Variants in YWHAE observed in about 807,000 individuals in gnomAD.
YWHAE encodes tyrosine 3-monooxygenase/tryptophan 5-monooxygenase activation protein epsilon.
In YWHAE, 4 loss-of-function variants were observed where a neutral mutation model predicts 30.1. That is an observed-to-expected ratio of 0.13 (90% confidence interval 0.07 to 0.30). The LOEUF (loss-of-function observed/expected upper bound fraction) is 0.30, where lower values mean the gene tolerates loss of function less well. Among genes scored for constraint, YWHAE ranks in the 10% least tolerant of loss-of-function variants. The pLI is 1.00. For synonymous variants in YWHAE, 118 were observed against 111.8 expected (o/e 1.06, Z -0.35); for missense variants, 121 against 315.9 (o/e 0.38, Z 4.68).
intron 1 of YWHAE, among the ~76,000 whole-genome samples, chr17:1,384,002 A>G (rs2073259867): frequency 6.6e-6 from 1 of 151,878 alleles, no homozygotes; most frequent in Non-Finnish European, 1.5e-5. Context: ...TCAAGAGTTC[A>G]AGACCAACCT....
At chr17:1,399,829 C>G (rs571186970) in intron 1 of YWHAE, 4 of 601,804 alleles carry the variant, frequency 6.6e-6, no homozygotes, top group South Asian at 4.0e-5. Flanking sequence ...CCTCCCGGCC[C>G]GCGAGTTGTT....
intron 5 of YWHAE, among the ~76,000 whole-genome samples, chr17:1,351,021 T>G (rs2072622984): frequency 6.6e-6 from 1 of 150,480 alleles, no homozygotes; most frequent in South Asian, 2.1e-4. Context: ...ATCGCACCAT[T>G]GCATTCCAAT....
chr17:1,384,610 G>A (rs1249214128), intron 1 of YWHAE, among the ~76,000 whole-genome samples: 1 of 152,018 alleles, frequency 6.6e-6, no homozygotes, highest in Non-Finnish European at 1.5e-5. Flanking sequence ...GGATAATGGA[G>A]TGTATTTTGT....
chr17:1,374,944 G>A (rs2073101067), intron 1 of YWHAE, among the ~76,000 whole-genome samples: 1 of 152,046 alleles, frequency 6.6e-6, no homozygotes, highest in South Asian at 2.1e-4. Flanking sequence ...TCACTACGTT[G>A]CCCTGACTGT....
At chr17:1,355,120 A>ACC (rs2072714922) in intron 4 of YWHAE, among the ~76,000 whole-genome samples, 2 of 22,158 alleles carry the variant, frequency 9.0e-5, no homozygotes, top group Admixed American at 2.0e-3. Flanking sequence ...ATTTTTTAAA[A>ACC]AAAAAAAAAA....
chr17:1,364,746 C>T (rs2072918083), intron 2 of YWHAE, 113 bp downstream of exon 2: 1 of 1,242,134 alleles, frequency 8.1e-7, no homozygotes. Context: ...TTATAACATA[C>T]TGTAATACAA....
At chr17:1,351,288 G>GA (rs2150838666) in intron 5 of YWHAE, among the ~76,000 whole-genome samples, 2 of 151,682 alleles carry the variant, frequency 1.3e-5, no homozygotes, top group African/African-American at 4.8e-5. Context: ...AGAGGCAGGA[G>GA]AATCACTTGA....
intron 1 of YWHAE, among the ~76,000 whole-genome samples, chr17:1,383,117 G>A (rs949734475): frequency 1.6e-4 from 25 of 151,714 alleles, no homozygotes; most frequent in Non-Finnish European, 2.9e-4. Flanking sequence ...TTGGGAGGCC[G>A]AGGCACATGG....
chr17:1,368,437 A>C (rs755916014), intron 1 of YWHAE, among the ~76,000 whole-genome samples: 19 of 151,778 alleles, frequency 1.3e-4, no homozygotes, highest in Non-Finnish European at 2.4e-4. Flanking sequence ...GGTGGCAGGC[A>C]TCTATAGTGC....
intron 2 of YWHAE, among the ~76,000 whole-genome samples, chr17:1,364,006 T>C (rs1049366062): frequency 7.9e-5 from 12 of 152,172 alleles, no homozygotes; most frequent in Admixed American, 6.5e-4. Context: ...CAAAAGTATT[T>C]CTAGACATTG....
intron 3 of YWHAE, chr17:1,361,628 A>G: frequency 2.4e-6 from 1 of 423,884 alleles, no homozygotes; most frequent in Non-Finnish European, 4.1e-6. Context: ...TAATCATAAA[A>G]TAAAATGTCT....
Position 1,361,966 on chromosome 17 carries a change from C to T in YWHAE, c.307G>A (p.Val103Ile). 6.2e-7 allele frequency: 1 copy of T among 1,605,634 alleles called. No individual in the cohort carries two copies. The highest frequency in any genetic ancestry group is 8.5e-7 in the Non-Finnish European group (1 of 1,177,628). ...GCTGGAATGAGGTGTTTGTCCAGTA[C>T]ATCCAGAATGTCACAACAGATTAAC... ...LKLICCDILD[V>I]LDKHLIPAAN... is the part of the protein sequence containing the mutation. The change falls in exon 3 of 6, where the codon GTA becomes ATA. Residue 103 changes from valine to isoleucine, a missense_variant. By Grantham distance (29) the Val-to-Ile change is conservative. Around this residue, in one of 2 missense-constraint regions of YWHAE, gnomAD observed 99 missense variants for 289.3 expected, o/e 0.34. Coordinates refer to ENST00000264335, the MANE Select transcript of YWHAE (RefSeq NM_006761.5).
Position 1,400,190 on chromosome 17 carries a change from G to C in YWHAE, c.-80C>G, listed in dbSNP as rs967093601. ...CGACTCTCTCAGCCTCTCGCTCCGC[G>C]TCCGGGCAGCAAAAATGGCGGCGCC... On this transcript the variant is annotated 5_prime_UTR_variant, in exon 1 of 6. Coordinates refer to ENST00000264335, the MANE Select transcript of YWHAE (RefSeq NM_006761.5). 1.9e-6 allele frequency: 3 copies of C among 1,559,534 alleles called. No individual in the cohort carries two copies. Among genetic ancestry groups the C allele is most frequent in the African/African-American group, 1.4e-5 (1 of 73,804 alleles).
intron 2 of YWHAE, among the ~76,000 whole-genome samples, chr17:1,363,839 A>G (rs2072901283): frequency 7.6e-6 from 1 of 130,780 alleles, no homozygotes; most frequent in Non-Finnish European, 1.6e-5. Flanking sequence ...TCTTTCCTGT[A>G]TTTACGTGCC....
At chr17:1,367,545 T>C (rs1473907683) in intron 1 of YWHAE, among the ~76,000 whole-genome samples, 1 of 152,118 alleles carries the variant, frequency 6.6e-6, no homozygotes, top group Non-Finnish European at 1.5e-5. Context: ...AGTGAGCTAT[T>C]AGGTTGGTAC....
chr17:1,379,171 C>A lies in YWHAE; in HGVS notation c.65-14113G>T, dbSNP rs1298972614. 2.0e-5 allele frequency among the ~76,000 whole-genome samples: 3 copies of A among 152,072 alleles called. No homozygotes were observed. In the East Asian group the frequency reaches 5.8e-4, roughly 29 times the overall value. On this transcript the variant is annotated intron_variant, in intron 1 of 5. Coordinates refer to ENST00000264335, the MANE Select transcript of YWHAE (RefSeq NM_006761.5). ...TCATGTCAGTGTACTTCCAAATCAC[C>A]TAAGAGCCCTATGGGATGTTAAGAC... is the stretch of plus-strand genomic sequence containing the variant.
chr17:1,354,185 G>A (rs752151450), intron 5 of YWHAE, 26 bp downstream of exon 5: 6 of 1,606,260 alleles, frequency 3.7e-6, no homozygotes, highest in Non-Finnish European at 5.1e-6. Flanking sequence ...TGAAAGAGGT[G>A]CCTGTTTCAC....
intron 5 of YWHAE, chr17:1,352,230 C>A (rs1224650335): frequency 6.6e-6 from 1 of 152,144 alleles, no homozygotes; most frequent in Non-Finnish European, 1.5e-5. Context: ...TAAGTAAGTC[C>A]TACGTATGTG....
intron 4 of YWHAE, among the ~76,000 whole-genome samples, chr17:1,357,598 A>C (rs1334983106): frequency 6.6e-6 from 1 of 151,788 alleles, no homozygotes; most frequent in African/African-American, 2.4e-5. Flanking sequence ...AAAAAAGCAA[A>C]AAAACCATTT....
Sources: allele counts gnomAD v4.1 joint callset (sites outside exome capture counted in the v4.1 genomes callset), GRCh38; gene constraint gnomAD v4.1.1; regional missense constraint gnomAD v4.1.1; transcripts MANE v1.5; gene names NCBI Gene and HGNC (gene_info 2026-07-23, HGNC 2026-07-21).